Variants in PLA2G4A observed in about 807,000 individuals in gnomAD.
PLA2G4A encodes the protein cytosolic phospholipase A2.
In PLA2G4A, 40 loss-of-function variants were observed where a neutral mutation model predicts 81.9. The ratio of observed to expected loss-of-function variants is 0.49; its 90% CI spans 0.38 to 0.64. The LOEUF is 0.64. PLA2G4A is among the 30% of genes least tolerant of loss of function. The pLI is 0.00. For synonymous variants in PLA2G4A, 302 were observed against 296.9 expected, an observed-to-expected ratio of 1.02 and a Z score of -0.18; for missense variants, 715 against 905.1, an observed-to-expected ratio of 0.79 and a Z score of 2.69.
intron 15 of PLA2G4A, among the ~76,000 whole-genome samples, chr1:186,971,379 T>C (rs1425097574): frequency 1.3e-5 from 2 of 152,010 alleles, no homozygotes; most frequent in African/African-American, 4.8e-5. Flanking sequence ...ACCTGTGCAT[T>C]CTCTTAGATG....
chr1:186,965,844 A>G (rs1657109168), intron 15 of PLA2G4A, among the ~76,000 whole-genome samples: 2 of 152,304 alleles, frequency 1.3e-5, no homozygotes, highest in Middle Eastern at 3.4e-3. Context: ...TCTGAAGTTT[A>G]GAAAGGAAAT....
At chr1:186,947,498 A>G (rs1656386392) in intron 12 of PLA2G4A, among the ~76,000 whole-genome samples, 1 of 152,188 alleles carries the variant, frequency 6.6e-6, no homozygotes, top group South Asian at 2.1e-4. Context: ...ATAATAAATT[A>G]CGAATATTTA....
At chr1:186,830,595 C>A (rs372324287) in intron 1 of PLA2G4A, among the ~76,000 whole-genome samples, 6 of 99,288 alleles carry the variant, frequency 6.0e-5, no homozygotes, top group African/African-American at 1.9e-4. Context: ...GCGAAAACAG[C>A]GAAGCTCTGT....
chr1:186,941,256 C>T (rs1176350817), intron 10 of PLA2G4A, among the ~76,000 whole-genome samples: 1 of 152,026 alleles, frequency 6.6e-6, no homozygotes, highest in Non-Finnish European at 1.5e-5. Context: ...CTTCAGACAC[C>T]CCATGAGCTT....
In PLA2G4A at chr1:186,877,674, A is replaced by G. The variant is rs1211775554; in HGVS notation, c.115+7158A>G. On this transcript the variant is annotated intron_variant, in intron 3 of 17. Coordinates refer to ENST00000367466, the MANE Select transcript of PLA2G4A (RefSeq NM_024420.3). The stretch of plus-strand genomic sequence containing the variant: ...TTGTCACATGGGAGTATAATCATGC[A>G]CTTTTAAGACTAAGGCCTGAGGCTT... Among the ~76,000 whole-genome samples, 33 of 129,356 alleles carry G rather than the reference A, an allele frequency of 2.6e-4. 1 individual carries two copies. In the Admixed American group the frequency reaches 3.1e-3, roughly 12 times the overall value. 84.9% of individuals were successfully genotyped at this position (129,356 alleles called of 152,430 possible). A position where few individuals can be genotyped will look rare whatever the true frequency, so the allele number is the denominator to read the frequency against.
chr1:186,893,676 ATT>A (rs1249186497), intron 4 of PLA2G4A, among the ~76,000 whole-genome samples: 1 of 152,050 alleles, frequency 6.6e-6, no homozygotes, highest in African/African-American at 2.4e-5. Context: ...ACCCCACAGC[ATT>A]TTCAGAGCAC....
At chr1:186,866,853 G>T (rs1194782495) in intron 2 of PLA2G4A, among the ~76,000 whole-genome samples, 2 of 152,030 alleles carry the variant, frequency 1.3e-5, no homozygotes, top group Non-Finnish European at 2.9e-5. Flanking sequence ...ATTTTCAAGA[G>T]CATTTTCTCA....
At chr1:186,854,539 G>T in intron 2 of PLA2G4A, 152 bp downstream of exon 2, 1 of 562,660 alleles carries the variant, frequency 1.8e-6, no homozygotes, top group South Asian at 2.6e-5. Flanking sequence ...AGAGGCTATG[G>T]AACATAATAA....
At chr1:186,833,699 C>T (rs773911798) in intron 1 of PLA2G4A, among the ~76,000 whole-genome samples, 2 of 152,260 alleles carry the variant, frequency 1.3e-5, no homozygotes, top group South Asian at 2.1e-4. Context: ...ATTCTTAGTG[C>T]AAATCTTACA....
At chr1:186,886,074 T>C (rs10911946) in intron 3 of PLA2G4A, among the ~76,000 whole-genome samples, 69,213 of 151,870 alleles carry the variant, frequency 0.46, 18,077 homozygotes, top group Non-Finnish European at 0.6. Context: ...AAGATATTAG[T>C]TGACATCTTT....
Position 186,962,486 on chromosome 1 carries a change from T to TTTTATTTTA in PLA2G4A, c.1580-2916_1580-2915insTATTTATTT, listed in dbSNP as rs1553221216. Among the ~76,000 whole-genome samples, 492 of 136,688 alleles carry TTTTATTTTA rather than the reference T, an allele frequency of 3.6e-3. 4 individuals are homozygous for TTTTATTTTA. The highest frequency in any genetic ancestry group is 0.013 in the African/African-American group (434 of 33,580). The allele number at this position is 136,688 out of a possible 152,430, so 89.7% of individuals were successfully genotyped here. ...AACTCTATACTTTGTAGTTATTTTA[T>TTTTATTTTA]TTTATTTATTTATTTATTTATTTAT... is the stretch of plus-strand genomic sequence containing the variant. On this transcript the variant is annotated intron_variant, in intron 14 of 17. Coordinates refer to ENST00000367466, the MANE Select transcript of PLA2G4A (RefSeq NM_024420.3).
intron 14 of PLA2G4A, 147 bp downstream of exon 14, chr1:186,956,491 C>A: frequency 1.2e-6 from 1 of 832,520 alleles, no homozygotes; most frequent in South Asian, 1.5e-5. Flanking sequence ...CTTCAAATGA[C>A]TAGGGTTTTT....
At chr1:186,933,023 C>T (rs896706716) in intron 8 of PLA2G4A, 124 bp downstream of exon 8, 22 of 730,054 alleles carry the variant, frequency 3.0e-5, no homozygotes, top group Non-Finnish European at 4.2e-5. Context: ...TGAAACTTTC[C>T]AGTTTGATGC....
chr1:186,920,046 T>C (rs763587255), intron 7 of PLA2G4A, among the ~76,000 whole-genome samples: 2 of 152,140 alleles, frequency 1.3e-5, no homozygotes, highest in Admixed American at 6.5e-5. Flanking sequence ...GCACGGGGGC[T>C]TGGTTGACCG....
chr1:186,904,878 A>T (rs1654679311), intron 5 of PLA2G4A, among the ~76,000 whole-genome samples: 1 of 151,780 alleles, frequency 6.6e-6, no homozygotes, highest in African/African-American at 2.4e-5. Flanking sequence ...TTTGAGACAG[A>T]ATTTTCACTC....
intron 6 of PLA2G4A, among the ~76,000 whole-genome samples, chr1:186,909,205 A>ACCTCGTGATCCGCCTG (rs1450448115): frequency 6.7e-6 from 1 of 148,444 alleles, no homozygotes; most frequent in Non-Finnish European, 1.5e-5. Context: ...CGATTTCCTG[A>ACCTCGTGATCCGCCTG]CCTCGTGATC....
intron 3 of PLA2G4A, among the ~76,000 whole-genome samples, chr1:186,872,221 T>G (rs1345329228): frequency 6.6e-6 from 1 of 152,148 alleles, no homozygotes; most frequent in Admixed American, 6.6e-5. Flanking sequence ...TTATTCTTAT[T>G]TTGCTTTTTA....
At chr1:186,856,607 G>T (rs1330357368) in intron 2 of PLA2G4A, among the ~76,000 whole-genome samples, 1 of 151,736 alleles carries the variant, frequency 6.6e-6, no homozygotes, top group East Asian at 1.9e-4. Flanking sequence ...GGCCAGGCTG[G>T]TATTGAACTC....
intron 7 of PLA2G4A, among the ~76,000 whole-genome samples, chr1:186,916,915 ATTT>A: frequency 6.6e-6 from 1 of 152,206 alleles, no homozygotes; most frequent in East Asian, 1.9e-4. Flanking sequence ...TCCCATGATA[ATTT>A]TCCTCATGCT....
Sources: gnomAD v4.1 joint callset for allele counts (sites outside exome capture counted in the v4.1 genomes callset) on GRCh38, gnomAD v4.1.1 for gene constraint, MANE v1.5 for transcripts, NCBI Gene and HGNC (gene_info 2026-07-23, HGNC 2026-07-21) for gene names.